Variants in DOK5 observed in about 807,000 individuals in gnomAD.
DOK5 encodes the protein docking protein 5.
Under a neutral mutation model 43.3 loss-of-function variants are expected in DOK5, and 27 were observed. That is an observed-to-expected ratio of 0.62 (90% CI 0.46 to 0.86). The LOEUF (loss-of-function observed/expected upper bound fraction) is 0.86, where lower values mean the gene tolerates loss of function less well. Among genes scored for constraint, DOK5 ranks in the 40% least tolerant of loss-of-function variants. DOK5 has a pLI of 0.00. For missense variants in DOK5, 373 were observed against 392.9 expected, an observed-to-expected ratio of 0.95 and a Z score of 0.43; for synonymous variants, 146 against 140.1, an observed-to-expected ratio of 1.04 and a Z score of -0.30.
At chr20:54,495,205 G>A (rs1292864781) in intron 1 of DOK5, 1 of 152,186 alleles carries the variant, frequency 6.6e-6, no homozygotes, top group African/African-American at 2.4e-5. Flanking sequence ...TACCAACTGT[G>A]TTTTTCTCTG....
intron 6 of DOK5, among the ~76,000 whole-genome samples, chr20:54,628,815 T>C (rs1051230420): frequency 2.0e-5 from 3 of 152,202 alleles, no homozygotes; most frequent in Non-Finnish European, 4.4e-5. Flanking sequence ...TAGGAAGGTA[T>C]TTTATAAACC....
chr20:54,508,927 A>C (rs1982915123), intron 1 of DOK5, among the ~76,000 whole-genome samples: 1 of 150,838 alleles, frequency 6.6e-6, no homozygotes, highest in African/African-American at 2.4e-5. Flanking sequence ...CCCAGGCTTA[A>C]GTGCAGTGAC....
intron 1 of DOK5, among the ~76,000 whole-genome samples, chr20:54,553,019 G>C (rs1046306290): frequency 2.0e-5 from 3 of 152,086 alleles, no homozygotes; most frequent in African/African-American, 7.2e-5. Flanking sequence ...TTAGCTCAGA[G>C]GTTCTTAAAC....
chr20:54,632,706 A>T (rs1273936622), intron 6 of DOK5, among the ~76,000 whole-genome samples: 1 of 152,238 alleles, frequency 6.6e-6, no homozygotes, highest in Non-Finnish European at 1.5e-5. Flanking sequence ...AAAGGTAATA[A>T]ATAGCACAGG....
intron 6 of DOK5, among the ~76,000 whole-genome samples, chr20:54,620,576 A>T (rs1359554295): frequency 1.3e-5 from 2 of 152,244 alleles, no homozygotes; most frequent in Non-Finnish European, 2.9e-5. Flanking sequence ...CATTTAAATA[A>T]GGAGTTTTAA....
chr20:54,561,905 C>T (rs1272964541), intron 2 of DOK5, among the ~76,000 whole-genome samples: 1 of 152,212 alleles, frequency 6.6e-6, no homozygotes, highest in Non-Finnish European at 1.5e-5. Flanking sequence ...GATCCGCCCA[C>T]CTCGGCCTTC....
chr20:54,604,763 G>A (rs576352707), intron 5 of DOK5, among the ~76,000 whole-genome samples: 1 of 152,240 alleles, frequency 6.6e-6, no homozygotes, highest in African/African-American at 2.4e-5. Context: ...CACTTTGGGA[G>A]GCTGAGGTGG....
At chr20:54,568,272 C>T (rs1354250694) in intron 2 of DOK5, among the ~76,000 whole-genome samples, 2 of 152,200 alleles carry the variant, frequency 1.3e-5, no homozygotes, top group African/African-American at 4.8e-5. Context: ...TTCCTCCATT[C>T]ATGTGTTTCT....
At chr20:54,544,149 A>G (rs770176833) in intron 1 of DOK5, among the ~76,000 whole-genome samples, 6 of 152,104 alleles carry the variant, frequency 3.9e-5, no homozygotes, top group Non-Finnish European at 8.8e-5. Flanking sequence ...TTTTGCTGGT[A>G]TTTTTCTTTA....
intron 5 of DOK5, among the ~76,000 whole-genome samples, 181 bp downstream of exon 5, chr20:54,591,986 C>A (rs1985991027): frequency 6.6e-6 from 1 of 152,164 alleles, no homozygotes; most frequent in Non-Finnish European, 1.5e-5. Context: ...TTTATATACT[C>A]AACATGGCTT....
At position 54,605,108 on chromosome 20, in the gene DOK5, T is replaced by TACACACAC. The variant is rs11471905; in HGVS notation, c.600-5268_600-5261dup. Among the ~76,000 whole-genome samples the TACACACAC allele has an allele frequency of 3.4e-3, 505 of 149,038 alleles. 2 individuals are homozygous for TACACACAC. Among genetic ancestry groups the TACACACAC allele is most frequent in the African/African-American group, 0.012 (470 of 40,186 alleles). ...TGCTTTTGGCAGTGTCCATATATTC[T>TACACACAC]ACACACACACACACACACAAACACA... On this transcript the variant is annotated intron_variant, in intron 5 of 7. Transcript: ENST00000262593.
intron 1 of DOK5, among the ~76,000 whole-genome samples, chr20:54,512,445 G>A (rs1236149467): frequency 6.6e-6 from 1 of 152,092 alleles, no homozygotes; most frequent in East Asian, 1.9e-4. Context: ...TATGCATTGT[G>A]ATTTTTTTCT....
chr20:54,576,383 C>T (rs1985452754), intron 2 of DOK5, among the ~76,000 whole-genome samples: 1 of 152,140 alleles, frequency 6.6e-6, no homozygotes, highest in Non-Finnish European at 1.5e-5. Context: ...ATCTCACAGA[C>T]ATGATATTGG....
intron 1 of DOK5, among the ~76,000 whole-genome samples, chr20:54,532,015 G>A (rs1312365360): frequency 6.6e-6 from 1 of 152,134 alleles, no homozygotes; most frequent in East Asian, 1.9e-4. Context: ...AGCATTTGTT[G>A]AATACCTACA....
At chr20:54,512,343 A>G (rs1983041551) in intron 1 of DOK5, among the ~76,000 whole-genome samples, 1 of 152,236 alleles carries the variant, frequency 6.6e-6, no homozygotes, top group African/African-American at 2.4e-5. Context: ...ATTGCAATAC[A>G]TTGTTTATAC....
chr20:54,496,776 A>AAG (rs1982416414), intron 1 of DOK5, among the ~76,000 whole-genome samples: 2 of 151,698 alleles, frequency 1.3e-5, no homozygotes, highest in African/African-American at 2.4e-5. Flanking sequence ...AAAAAAAAAA[A>AAG]AAAAAAAAAA....
intron 6 of DOK5, among the ~76,000 whole-genome samples, chr20:54,619,308 G>A (rs1188120460): frequency 6.6e-6 from 1 of 151,806 alleles, no homozygotes; most frequent in Admixed American, 6.6e-5. Flanking sequence ...GCTGCCAGCT[G>A]CCTTGCTGGA....
chr20:54,629,885 C>T (rs974825465), intron 6 of DOK5, among the ~76,000 whole-genome samples: 10 of 152,158 alleles, frequency 6.6e-5, no homozygotes, highest in African/African-American at 1.4e-4. Context: ...CTGTGCTTTG[C>T]GTGTGCATGT....
intron 1 of DOK5, among the ~76,000 whole-genome samples, chr20:54,505,993 T>G (rs1383053562): frequency 6.6e-6 from 1 of 152,176 alleles, no homozygotes; most frequent in African/African-American, 2.4e-5. Context: ...GCTTGTGAGC[T>G]GGGGATAGTG....
Sources: gnomAD v4.1 joint callset for allele counts (sites outside exome capture counted in the v4.1 genomes callset) on GRCh38, gnomAD v4.1.1 for gene constraint, MANE v1.5 for transcripts, NCBI Gene and HGNC (gene_info 2026-07-23, HGNC 2026-07-21) for gene names.